Variants in RCN2 observed in about 807,000 individuals in gnomAD.
The protein encoded by RCN2 is reticulocalbin-2.
RCN2 carries 23 observed loss-of-function variants against 37.5 expected under a neutral mutation model. The ratio of observed to expected loss-of-function variants is 0.61; its 90% CI spans 0.44 to 0.87. RCN2 has a LOEUF of 0.87. Ranked by LOEUF, RCN2 falls within the 40% of genes least tolerant of loss-of-function variation. The probability of loss-of-function intolerance (pLI) is 0.00; values close to 1 mark genes in which losing one functional copy is unlikely to be tolerated. For missense variants in RCN2, 381 were observed against 390.4 expected (o/e 0.98, Z 0.20); for synonymous variants, 140 against 144.6 (o/e 0.97, Z 0.23).
intron 4 of RCN2, 64 bp from the exon 5 acceptor site, chr15:76,947,357 C>A: frequency 1.1e-6 from 1 of 926,726 alleles, no homozygotes; most frequent in Non-Finnish European, 1.7e-6. Context: ...AGAATTGAAT[C>A]GGATGGCAGT....
intron 2 of RCN2, among the ~76,000 whole-genome samples, chr15:76,933,077 T>TA (rs879486937): frequency 6.6e-4 from 98 of 147,688 alleles, no homozygotes; most frequent in African/African-American, 1.6e-3. Context: ...ATCCTTCAGT[T>TA]AAAAAAAAAA....
At chr15:76,937,498 C>G (rs1220001536) in intron 3 of RCN2, among the ~76,000 whole-genome samples, 1 of 151,930 alleles carries the variant, frequency 6.6e-6, no homozygotes, top group Non-Finnish European at 1.5e-5. Context: ...CTCACTGCCT[C>G]CTGGGCTCAA....
At chr15:76,943,604 CT>C in intron 3 of RCN2, 153 bp from the exon 4 acceptor site, 1 of 542,296 alleles carries the variant, frequency 1.8e-6, no homozygotes, top group Non-Finnish European at 3.4e-6. Flanking sequence ...TATCCTGCCC[CT>C]AATACATGTA....
At chr15:76,943,924 A>C in intron 4 of RCN2, 53 bp downstream of exon 4, 1 of 1,016,874 alleles carries the variant, frequency 9.8e-7, no homozygotes, top group Non-Finnish European at 1.5e-6. Flanking sequence ...ACTTTAAAAA[A>C]ATATATTTAA....
At chr15:76,948,950 C>A in intron 6 of RCN2, 120 bp from the exon 7 acceptor site, 1 of 902,194 alleles carries the variant, frequency 1.1e-6, no homozygotes, top group Non-Finnish European at 1.7e-6. Context: ...TTTTTAGATA[C>A]TTAAACAATA....
Position 76,948,436 on chromosome 15 carries a change from C to T in RCN2, c.685C>T (p.Leu229Phe). 1 of 1,605,160 alleles carries T rather than the reference C, an allele frequency of 6.2e-7. No individual in the cohort carries two copies. The highest frequency in any genetic ancestry group is 1.1e-5 in the South Asian group (1 of 89,768). Reference sequence around the variant, plus strand: ...TGCAAATGAAGATCCAGAATGGATACTTGTTGAGAAAGACAGATTCGTGAA... The same window carrying T: ...TGCAAATGAAGATCCAGAATGGATATTTGTTGAGAAAGACAGATTCGTGAA... ...PTANEDPEWILVEKDRFVNDY... is the reference protein window; with the variant it reads ...PTANEDPEWIFVEKDRFVNDY... The change falls in exon 6 of 7, where the codon CTT becomes TTT. Residue 229 changes from leucine (L) to phenylalanine (F), a missense_variant. Physicochemically the swap from Leu to Phe is conservative, Grantham distance 22. Transcript: ENST00000394885.
chr15:76,932,334 C>G (rs201218297), intron 1 of RCN2, 27 bp from the exon 2 acceptor site: 1 of 1,548,984 alleles, frequency 6.5e-7, no homozygotes, highest in Admixed American at 1.7e-5. Flanking sequence ...AATGCTTGGC[C>G]CTCCTGTGTG....
chr15:76,937,582 A>G (rs1450122152), intron 3 of RCN2, among the ~76,000 whole-genome samples: 4 of 151,742 alleles, frequency 2.6e-5, no homozygotes, highest in Non-Finnish European at 5.9e-5. Flanking sequence ...TAATTTTTGT[A>G]TTTTTTGTAG....
chr15:76,951,675 A>C lies in RCN2; in HGVS notation c.*2453A>C, dbSNP rs2075321469. 1 of 152,234 alleles carries C rather than the reference A, an allele frequency of 6.6e-6. No individual in the cohort carries two copies. The highest frequency in any genetic ancestry group is 2.4e-5 in the African/African-American group (1 of 41,464). The allele number at this position is 152,234 out of a possible 1,614,324, so 9.4% of individuals were successfully genotyped here. A position where few individuals can be genotyped will look rare whatever the true frequency, so the allele number is the denominator to read the frequency against. ...CTTTTTTTAGATTTGAATTTTAAAT[A>C]AGACTTTTAAAATAAAGCTTTTATT... On this transcript the variant is annotated 3_prime_UTR_variant, in exon 7 of 7. Transcript: ENST00000394885.
chr15:76,943,649 A>G, intron 3 of RCN2, 109 bp from the exon 4 acceptor site: 1 of 623,424 alleles, frequency 1.6e-6, no homozygotes, highest in Non-Finnish European at 2.9e-6. Context: ...GACGATGTGA[A>G]GATAAATGAG....
intron 2 of RCN2, 132 bp from the exon 3 acceptor site, chr15:76,935,390 CTATT>C: frequency 1.6e-6 from 1 of 633,166 alleles, no homozygotes; most frequent in Admixed American, 2.9e-5. Context: ...TACCCCATTT[CTATT>C]AATACAACTA....
intron 3 of RCN2, among the ~76,000 whole-genome samples, chr15:76,938,112 A>C (rs1237722681): frequency 6.6e-6 from 1 of 152,198 alleles, no homozygotes; most frequent in Non-Finnish European, 1.5e-5. Context: ...AGAAAAACAT[A>C]AAAATAAAAT....
In RCN2 at chr15:76,949,049, CTT is replaced by C; in HGVS notation, c.802-16_802-15del. ...CTGAAAATACTTATTACACTTGACA[CTT>C]TTTTGTTTTATTTTGAAGGCGCTTC... On this transcript the variant is annotated intron_variant, in intron 6 of 6. Coordinates refer to ENST00000394885, the MANE Select transcript of RCN2 (RefSeq NM_002902.3). The C allele has an allele frequency of 6.3e-7, 1 of 1,579,334 alleles. No individual in the cohort carries two copies. Among genetic ancestry groups the C allele is most frequent in the Non-Finnish European group, 8.6e-7 (1 of 1,165,312 alleles).
At position 76,931,862 on chromosome 15, in the gene RCN2, C is replaced by G; in HGVS notation, c.21C>G (p.Thr7=). The change falls in exon 1 of 7, where the codon ACC becomes ACG. Residue 7 remains threonine, a synonymous_variant. Coordinates refer to ENST00000394885, the MANE Select transcript of RCN2 (RefSeq NM_002902.3). MRLGPR[T]AALGLLLLCA... ...GCGCGATGCGGCTGGGCCCGAGGAC[C>G]GCGGCGTTGGGGCTGCTGCTGCTGT... 7.8e-7 allele frequency: 1 copy of G among 1,280,794 alleles called. No homozygotes were observed. Among genetic ancestry groups the G allele is most frequent in the Admixed American group, 3.9e-5 (1 of 25,744 alleles). 79.3% of individuals were successfully genotyped at this position (1,280,794 alleles called of 1,614,324 possible).
intron 3 of RCN2, chr15:76,943,523 G>A: frequency 2.8e-6 from 1 of 363,196 alleles, no homozygotes. Context: ...AGTTTGCGCT[G>A]ACACCACAGC....
intron 3 of RCN2, 72 bp downstream of exon 3, chr15:76,935,794 A>G (rs1184307410): frequency 1.4e-5 from 16 of 1,131,316 alleles, no homozygotes; most frequent in East Asian, 2.4e-5. Flanking sequence ...GAATGAGCAC[A>G]TTGAGGGCCT....
At chr15:76,943,688 C>A in intron 3 of RCN2, 70 bp from the exon 4 acceptor site, 1 of 825,690 alleles carries the variant, frequency 1.2e-6, no homozygotes, top group Non-Finnish European at 2.0e-6. Flanking sequence ...CTTTAAATTT[C>A]ACATAGTTTG....
At position 76,943,827 on chromosome 15, in the gene RCN2, G is replaced by T. The variant is rs752356817; in HGVS notation, c.517G>T (p.Glu173Ter). ...TTCAGGTCCCGGTTTGAGTCTTGAA[G>T]AATTTATTGCTTTTGAGCATCCTGA... is the stretch of plus-strand genomic sequence containing the variant. The part of the protein sequence containing the change: ...QDSGPGLSLE[E>*]FIAFEHPEEV... The change falls in exon 4 of 7, where the codon GAA (glutamate) becomes TAA (stop). Residue 173 changes from glutamate to a stop codon, truncating the protein, a stop_gained. Transcript: ENST00000394885. LOFTEE classifies it high-confidence loss of function. 3.7e-6 allele frequency: 6 copies of T among 1,610,948 alleles called. No individual in the cohort carries two copies. The highest frequency in any genetic ancestry group is 5.1e-6 in the Non-Finnish European group (6 of 1,177,676).
rs1247307976 is a variant in RCN2 at position 76,951,931 on chromosome 15, G to A, written c.*2709G>A. 2 of 152,104 alleles carry A rather than the reference G, an allele frequency of 1.3e-5. No homozygotes were observed. The highest frequency in any genetic ancestry group is 2.4e-5 in the African/African-American group (1 of 41,484). 9.4% of individuals were successfully genotyped at this position (152,104 alleles called of 1,614,324 possible). A position where few individuals can be genotyped will look rare whatever the true frequency, so the allele number is the denominator to read the frequency against. On this transcript the variant is annotated 3_prime_UTR_variant, in exon 7 of 7. Transcript: ENST00000394885. ...GGACAGAAAATGATGTCTAGATTAT[G>A]ATATAAATTTAAAGGAAGCCAGGAC...
Sources: gnomAD v4.1 joint callset for allele counts (sites outside exome capture counted in the v4.1 genomes callset) on GRCh38, gnomAD v4.1.1 for gene constraint, MANE v1.5 for transcripts, NCBI Gene and HGNC (gene_info 2026-07-23, HGNC 2026-07-21) for gene names.